The following RBFOX2 variants were observed in gnomAD, a reference collection of about 807,000 sequenced individuals.
RBFOX2 encodes the protein RNA binding fox-1 homolog 2, also known as RNA binding protein fox-1 homolog 2.
RBFOX2 carries 10 observed loss-of-function variants against 49.1 expected under a neutral mutation model. The ratio of observed to expected loss-of-function variants is 0.20; its 90% CI spans 0.13 to 0.35. The LOEUF (loss-of-function observed/expected upper bound fraction) is 0.35. RBFOX2 is among the 10% of genes least tolerant of loss of function. The pLI, the probability that RBFOX2 is intolerant of heterozygous loss-of-function variation, is 1.00. For synonymous variants in RBFOX2, 183 were observed against 187.4 expected (o/e 0.98, Z 0.19); for missense variants, 323 against 486.9 (o/e 0.66, Z 3.17).
chr22:35,952,311 ATAGCT>A (rs2055040282), intron 1 of RBFOX2, among the ~76,000 whole-genome samples: 3 of 152,202 alleles, frequency 2.0e-5, no homozygotes, highest in Non-Finnish European at 4.4e-5. Context: ...AGTATAAAGC[ATAGCT>A]ATAAGTATGA....
At chr22:35,884,000 C>CTTTTTTTTTTT (rs34644201) in intron 1 of RBFOX2, among the ~76,000 whole-genome samples, 2 of 62,640 alleles carry the variant, frequency 3.2e-5, no homozygotes, top group African/African-American at 6.4e-5. Context: ...GTAGTTATCT[C>CTTTTTTTTTTT]TTTTTTTTTT....
chr22:35,847,726 T>G (rs765834333), intron 1 of RBFOX2, among the ~76,000 whole-genome samples: 10 of 152,124 alleles, frequency 6.6e-5, no homozygotes, highest in Non-Finnish European at 4.4e-5. Context: ...TAATATCCCA[T>G]TACCTCCATT....
chr22:35,945,123 T>G (rs939460208), intron 1 of RBFOX2, among the ~76,000 whole-genome samples: 57 of 152,174 alleles, frequency 3.7e-4, no homozygotes, highest in African/African-American at 1.3e-3. Flanking sequence ...GAAGCTGTCT[T>G]CTACAAATAA....
chr22:35,912,076 A>G (rs1470679424), intron 1 of RBFOX2, among the ~76,000 whole-genome samples: 1 of 152,230 alleles, frequency 6.6e-6, no homozygotes, highest in Non-Finnish European at 1.5e-5. Context: ...TTATCTCAGC[A>G]TCATCAGTTG....
At chr22:35,869,361 C>G (rs1455273500) in intron 1 of RBFOX2, among the ~76,000 whole-genome samples, 1 of 151,054 alleles carries the variant, frequency 6.6e-6, no homozygotes, top group African/African-American at 2.4e-5. Context: ...TTTCACTTGT[C>G]CAGTCCAGGC....
chr22:35,814,766 AAG>A (rs1952681118), intron 1 of RBFOX2, among the ~76,000 whole-genome samples: 1 of 151,426 alleles, frequency 6.6e-6, no homozygotes, highest in Non-Finnish European at 1.5e-5. Context: ...GTCAAGAAAA[AAG>A]AGTCTGGTCA....
At chr22:35,972,475 T>C (rs1204994561) in intron 1 of RBFOX2, among the ~76,000 whole-genome samples, 1 of 151,582 alleles carries the variant, frequency 6.6e-6, no homozygotes, top group Non-Finnish European at 1.5e-5. Flanking sequence ...CTGTGGTAAA[T>C]GTCTAGCACT....
At chr22:35,928,336 A>G (rs1047353967) in intron 1 of RBFOX2, among the ~76,000 whole-genome samples, 8 of 152,170 alleles carry the variant, frequency 5.3e-5, no homozygotes, top group African/African-American at 1.7e-4. Context: ...AAAAAAATAA[A>G]AGCCAATGAA....
chr22:35,883,164 G>A (rs139118190), intron 1 of RBFOX2, among the ~76,000 whole-genome samples: 134 of 152,342 alleles, frequency 8.8e-4, no homozygotes, highest in Non-Finnish European at 1.7e-3. Flanking sequence ...AAGGTGGCAT[G>A]TGTTAGCTCC....
chr22:35,808,990 T>C (rs1951286809), intron 2 of RBFOX2, among the ~76,000 whole-genome samples: 1 of 150,118 alleles, frequency 6.7e-6, no homozygotes, highest in Non-Finnish European at 1.5e-5. Flanking sequence ...AAGTACGGAG[T>C]TCAGATTATA....
At chr22:35,839,198 C>G (rs1297091213) in intron 1 of RBFOX2, among the ~76,000 whole-genome samples, 3 of 152,168 alleles carry the variant, frequency 2.0e-5, no homozygotes, top group Non-Finnish European at 4.4e-5. Flanking sequence ...TAAATCAGAG[C>G]CTCATCATTT....
intron 1 of RBFOX2, chr22:35,996,050 AAG>A (rs2058177084): frequency 6.6e-6 from 1 of 152,210 alleles, no homozygotes; most frequent in African/African-American, 2.4e-5. Flanking sequence ...AAGGAGGAAA[AAG>A]AGGATGAATT....
chr22:35,994,231 A>ATTGGATT (rs1491304437), intron 1 of RBFOX2: 8 of 152,022 alleles, frequency 5.3e-5, no homozygotes, highest in Non-Finnish European at 1.2e-4. Context: ...ATTGAATCCA[A>ATTGGATT]CACAGTTAAA....
intron 9 of RBFOX2, among the ~76,000 whole-genome samples, chr22:35,750,034 G>T (rs1934305568): frequency 6.6e-6 from 1 of 152,210 alleles, no homozygotes; most frequent in South Asian, 2.1e-4. Context: ...CAGCCACAAC[G>T]ACCTGGTATT....
chr22:35,765,900 T>A (rs1039362208), intron 5 of RBFOX2, among the ~76,000 whole-genome samples: 3 of 152,164 alleles, frequency 2.0e-5, no homozygotes, highest in Non-Finnish European at 1.5e-5. Flanking sequence ...ATAAAATAAA[T>A]CTGATTTCAC....
intron 1 of RBFOX2, among the ~76,000 whole-genome samples, chr22:35,951,210 T>C (rs2054882393): frequency 6.8e-6 from 1 of 147,312 alleles, no homozygotes; most frequent in Admixed American, 6.8e-5. Context: ...TGCCTTGGCC[T>C]CCCAAAGTGC....
At chr22:35,821,888 C>CA in intron 1 of RBFOX2, 1 of 518,908 alleles carries the variant, frequency 1.9e-6, no homozygotes, top group South Asian at 1.4e-5. Flanking sequence ...AAACTTTGAC[C>CA]AAAAGGGGGA....
At chr22:35,781,660 C>T (rs1263815930) in exon 3 of RBFOX2, 1 of 1,614,074 alleles carries the variant, frequency 6.2e-7, no homozygotes, top group East Asian at 2.2e-5. Flanking sequence ...AGACATGCAG[C>T]CGTTTCGGGG....
At chr22:36,028,462 C>A in exon 1 of RBFOX2, 1 of 1,163,502 alleles carries the variant, frequency 8.6e-7, no homozygotes, top group Non-Finnish European at 1.1e-6. Flanking sequence ...AGCCGGGCGA[C>A]CCGCGACAGG....
Sources: allele counts gnomAD v4.1 joint callset (sites outside exome capture counted in the v4.1 genomes callset), GRCh38; gene constraint gnomAD v4.1.1; transcripts MANE v1.5; gene names NCBI Gene and HGNC (gene_info 2026-07-23, HGNC 2026-07-21).